Variants in SCHIP1 observed in about 807,000 individuals in gnomAD.
SCHIP1 encodes the protein schwannomin interacting protein 1.
Under a neutral mutation model 29.7 loss-of-function variants are expected in SCHIP1, and 8 were observed. The ratio of observed to expected loss-of-function variants is 0.27; its 90% CI spans 0.16 to 0.49. The LOEUF is 0.49. Ranked by LOEUF, SCHIP1 falls within the 20% of genes least tolerant of loss-of-function variation. The probability of loss-of-function intolerance (pLI) is 0.99; values close to 1 mark genes in which losing one functional copy is unlikely to be tolerated. For missense variants in SCHIP1, 193 were observed against 294.6 expected, an observed-to-expected ratio of 0.66 and a Z score of 2.52; for synonymous variants, 76 against 94.9, an observed-to-expected ratio of 0.80 and a Z score of 1.16.
At chr3:159,648,474 A>C in the SCHIP1 span, among the ~76,000 whole-genome samples, 1 of 152,172 alleles carries the variant, frequency 6.6e-6, no homozygotes, top group Non-Finnish European at 1.5e-5. Flanking sequence ...GACTAAGCAA[A>C]ATACTGCCTG....
chr3:159,604,236 T>C, the SCHIP1 span, among the ~76,000 whole-genome samples: 1 of 152,188 alleles, frequency 6.6e-6, no homozygotes, highest in East Asian at 1.9e-4. Flanking sequence ...CTTTGTCTTT[T>C]CTGTGCTGTG....
chr3:159,456,415 G>A, the SCHIP1 span, among the ~76,000 whole-genome samples: 10 of 152,188 alleles, frequency 6.6e-5, no homozygotes, highest in East Asian at 3.9e-4. Flanking sequence ...TTGGAAAGAC[G>A]AACAAAATTC....
At chr3:159,320,543 G>A in the SCHIP1 span, among the ~76,000 whole-genome samples, 1 of 152,044 alleles carries the variant, frequency 6.6e-6, no homozygotes, top group Non-Finnish European at 1.5e-5. Context: ...TCAAATTCAG[G>A]TTCAGATCTT....
At chr3:159,520,877 T>C in the SCHIP1 span, among the ~76,000 whole-genome samples, 3 of 152,228 alleles carry the variant, frequency 2.0e-5, no homozygotes. Flanking sequence ...CAATTTGCTG[T>C]CATTAGACAT....
the SCHIP1 span, among the ~76,000 whole-genome samples, chr3:159,637,416 CACACA>C: frequency 1.4e-5 from 2 of 142,650 alleles, no homozygotes; most frequent in Non-Finnish European, 3.0e-5. Flanking sequence ...CACACACACA[CACACA>C]CCTGACTCTT....
chr3:159,558,398 A>C, the SCHIP1 span, among the ~76,000 whole-genome samples: 6 of 152,330 alleles, frequency 3.9e-5, no homozygotes, highest in East Asian at 1.9e-4. Context: ...GGGAAACAAG[A>C]AGCAGCAACC....
the SCHIP1 span, among the ~76,000 whole-genome samples, chr3:159,784,233 T>C: frequency 6.6e-6 from 1 of 152,274 alleles, no homozygotes; most frequent in Non-Finnish European, 1.5e-5. Flanking sequence ...TGAAAATGTT[T>C]TCTGCCACAT....
intron 2 of SCHIP1, among the ~76,000 whole-genome samples, chr3:159,875,753 T>G (rs183397828): frequency 4.6e-5 from 7 of 152,312 alleles, no homozygotes; most frequent in African/African-American, 1.7e-4. Context: ...TGTAAAATTT[T>G]CTGTCCTGCT....
At chr3:159,643,492 A>G in the SCHIP1 span, among the ~76,000 whole-genome samples, 6 of 152,168 alleles carry the variant, frequency 3.9e-5, no homozygotes, top group Non-Finnish European at 5.9e-5. Flanking sequence ...CACAATCAGA[A>G]CATTCTCTCC....
chr3:159,622,722 T>C, the SCHIP1 span, among the ~76,000 whole-genome samples: 3 of 152,010 alleles, frequency 2.0e-5, no homozygotes, highest in Non-Finnish European at 4.4e-5. Context: ...ATCGAGCCCA[T>C]CCTGGCTCAC....
intron 1 of SCHIP1, among the ~76,000 whole-genome samples, chr3:159,846,877 AT>A (rs34818406): frequency 0.22 from 32,614 of 149,262 alleles, 4,593 homozygotes; most frequent in African/African-American, 0.41. Context: ...ATTTATATGC[AT>A]TTTTTTTTTA....
the SCHIP1 span, among the ~76,000 whole-genome samples, chr3:159,514,827 T>C: frequency 6.6e-6 from 1 of 152,180 alleles, no homozygotes; most frequent in South Asian, 2.1e-4. Context: ...GTGCAATTGG[T>C]GTCTCAACCT....
At chr3:159,466,687 A>G in the SCHIP1 span, among the ~76,000 whole-genome samples, 4 of 152,162 alleles carry the variant, frequency 2.6e-5, no homozygotes, top group Non-Finnish European at 5.9e-5. Context: ...TGGTTTGTCA[A>G]CACTTCAAAA....
chr3:159,700,059 C>A, the SCHIP1 span, among the ~76,000 whole-genome samples: 1 of 152,120 alleles, frequency 6.6e-6, no homozygotes, highest in Non-Finnish European at 1.5e-5. Flanking sequence ...CCATACCCAC[C>A]ATTTAGAAAC....
intron 2 of SCHIP1, among the ~76,000 whole-genome samples, chr3:159,883,706 T>G (rs1716675994): frequency 6.6e-6 from 1 of 152,234 alleles, no homozygotes; most frequent in Admixed American, 6.5e-5. Flanking sequence ...ACATTCTTGG[T>G]GATTACCACT....
chr3:159,455,439 TAC>T, the SCHIP1 span, among the ~76,000 whole-genome samples: 3 of 152,198 alleles, frequency 2.0e-5, no homozygotes, highest in African/African-American at 7.2e-5. Context: ...CATTGCACTT[TAC>T]AGTTTACAAA....
the SCHIP1 span, among the ~76,000 whole-genome samples, chr3:159,354,548 T>C: frequency 6.6e-6 from 1 of 152,226 alleles, no homozygotes; most frequent in Non-Finnish European, 1.5e-5. Flanking sequence ...TTCTATAACA[T>C]TCTTCTTATT....
chr3:159,456,580 A>T, the SCHIP1 span, among the ~76,000 whole-genome samples: 1 of 152,204 alleles, frequency 6.6e-6, no homozygotes, highest in Non-Finnish European at 1.5e-5. Context: ...GCCTATGTAT[A>T]AATGCTGCTC....
chr3:159,569,516 C>T, the SCHIP1 span, among the ~76,000 whole-genome samples: 1 of 152,120 alleles, frequency 6.6e-6, no homozygotes, highest in African/African-American at 2.4e-5. Flanking sequence ...TTTATGGCTG[C>T]ATAGTGTTCC....
Sources: allele counts gnomAD v4.1 joint callset (sites outside exome capture counted in the v4.1 genomes callset), GRCh38; gene constraint gnomAD v4.1.1; transcripts MANE v1.5; gene names NCBI Gene and HGNC (gene_info 2026-07-23, HGNC 2026-07-21).